AGBL1: variants seen among roughly 807,000 people sequenced by gnomAD.
The protein encoded by AGBL1 is cytosolic carboxypeptidase 4.
A neutral mutation model predicts 118.9 loss-of-function variants in AGBL1; 130 were observed. The observed-to-expected ratio is 1.09, with a 90% CI of 0.95 to 1.26. The LOEUF is 1.26. AGBL1 is among the 50% of genes most tolerant of loss of function. The probability of loss-of-function intolerance (pLI) is 0.00; values close to 1 mark genes in which losing one functional copy is unlikely to be tolerated. For missense variants in AGBL1, 1,584 were observed against 1,298.1 expected (o/e 1.22, Z -3.38); for synonymous variants, 555 against 478.9 (o/e 1.16, Z -2.08).
At chr15:86,899,686 A>T (rs2080184401) in intron 22 of AGBL1, among the ~76,000 whole-genome samples, 2 of 152,140 alleles carry the variant, frequency 1.3e-5, no homozygotes, top group South Asian at 4.1e-4. Context: ...CATCTGAATT[A>T]GTTGTGCATA....
intron 22 of AGBL1, among the ~76,000 whole-genome samples, chr15:86,835,570 G>C (rs1365600209): frequency 6.6e-6 from 1 of 152,000 alleles, no homozygotes; most frequent in Non-Finnish European, 1.5e-5. Context: ...TGGTAAGCAG[G>C]TTCAAAAAAA....
At chr15:86,816,095 G>C (rs986264333) in intron 22 of AGBL1, among the ~76,000 whole-genome samples, 1 of 152,184 alleles carries the variant, frequency 6.6e-6, no homozygotes, top group Non-Finnish European at 1.5e-5. Context: ...AGACGTGTCA[G>C]TTAAAACCGT....
intron 22 of AGBL1, among the ~76,000 whole-genome samples, chr15:86,723,660 A>G (rs2086771339): frequency 6.7e-6 from 1 of 148,808 alleles, no homozygotes; most frequent in Non-Finnish European, 1.5e-5. Context: ...TATAATAATA[A>G]AAAAAAGAAA....
At chr15:86,901,390 G>C (rs1255551179) in intron 22 of AGBL1, among the ~76,000 whole-genome samples, 1 of 151,808 alleles carries the variant, frequency 6.6e-6, no homozygotes, top group Non-Finnish European at 1.5e-5. Flanking sequence ...GTGAGATAGG[G>C]TTATAACTTG....
intron 22 of AGBL1, among the ~76,000 whole-genome samples, chr15:86,901,301 A>T (rs1396580227): frequency 6.6e-6 from 1 of 151,996 alleles, no homozygotes; most frequent in Non-Finnish European, 1.5e-5. Context: ...GAAAACATTA[A>T]TTGTGTTTTC....
At chr15:86,894,878 A>G (rs190031159) in intron 22 of AGBL1, among the ~76,000 whole-genome samples, 4 of 152,308 alleles carry the variant, frequency 2.6e-5, no homozygotes, top group East Asian at 1.9e-4. Flanking sequence ...CAAGATAGAA[A>G]GGTTGGCAGG....
At chr15:86,453,495 C>T (rs1371492266) in intron 18 of AGBL1, among the ~76,000 whole-genome samples, 1 of 152,126 alleles carries the variant, frequency 6.6e-6, no homozygotes, top group Non-Finnish European at 1.5e-5. Flanking sequence ...AATTCCGTAC[C>T]CCTTTTCATA....
At chr15:86,230,625 G>C (rs998423079) in intron 6 of AGBL1, among the ~76,000 whole-genome samples, 6 of 152,196 alleles carry the variant, frequency 3.9e-5, no homozygotes, top group African/African-American at 1.4e-4. Context: ...TTCCAGATGA[G>C]GGCCATGGAG....
At chr15:86,538,183 A>T (rs185859299) in intron 19 of AGBL1, among the ~76,000 whole-genome samples, 20 of 152,292 alleles carry the variant, frequency 1.3e-4, no homozygotes, top group Non-Finnish European at 2.5e-4. Context: ...TCCAAGACTG[A>T]TCTGTAAGTA....
intron 22 of AGBL1, among the ~76,000 whole-genome samples, chr15:86,865,875 C>G (rs1463480900): frequency 6.6e-6 from 1 of 152,190 alleles, no homozygotes; most frequent in East Asian, 1.9e-4. Flanking sequence ...GTGCTTCAAT[C>G]CTTCACAGGT....
chr15:86,666,425 T>G (rs2142529590), intron 21 of AGBL1, among the ~76,000 whole-genome samples: 2 of 152,318 alleles, frequency 1.3e-5, no homozygotes, highest in Middle Eastern at 6.8e-3. Context: ...AAATTTTGTC[T>G]TTCAGTTGAT....
chr15:86,786,084 T>G (rs2078408175), intron 22 of AGBL1, among the ~76,000 whole-genome samples: 1 of 152,208 alleles, frequency 6.6e-6, no homozygotes, highest in Admixed American at 6.5e-5. Flanking sequence ...TGGATTTTTT[T>G]TGAAAGTTTT....
Position 86,262,782 on chromosome 15 carries a change from A to G in AGBL1, c.974A>G (p.Asp325Gly). 1.3e-6 allele frequency: 2 copies of G among 1,598,928 alleles called. No individual in the cohort carries two copies. Among genetic ancestry groups the G allele is most frequent in the Non-Finnish European group, 1.7e-6 (2 of 1,169,690 alleles). ...TCTATGACTATTCCATTTTAGGATGATGACTTGGAAACAGACGTGAACAAG... is the reference window on the plus strand; with the variant it reads ...TCTATGACTATTCCATTTTAGGATGGTGACTTGGAAACAGACGTGAACAAG... ...SDTEDGKVED[D>G]DLETDVNKLS... Residue 325 changes from aspartate (D) to glycine (G), a missense_variant, in exon 10 of 23, where the codon GAT (aspartate) becomes GGT (glycine). Physicochemically the swap from Asp to Gly is moderately conservative, Grantham distance 94. Transcript: ENST00000614907.
chr15:86,362,861 G>C (rs2080827106), intron 17 of AGBL1, among the ~76,000 whole-genome samples: 2 of 152,234 alleles, frequency 1.3e-5, no homozygotes, highest in South Asian at 2.1e-4. Context: ...CCCTGGGTGG[G>C]CAGGACTGCT....
intron 22 of AGBL1, among the ~76,000 whole-genome samples, chr15:86,903,072 T>G (rs548639243): frequency 1.3e-5 from 2 of 152,240 alleles, no homozygotes; most frequent in African/African-American, 4.8e-5. Flanking sequence ...ATCTTAATGT[T>G]CTCTTTATTT....
At chr15:87,018,713 ACAAGTCTG>A (rs1322442521) in intron 24 of AGBL1, among the ~76,000 whole-genome samples, 2 of 152,166 alleles carry the variant, frequency 1.3e-5, no homozygotes, top group Admixed American at 6.5e-5. Context: ...AACCACATAA[ACAAGTCTG>A]CAAAATAACT....
chr15:86,922,631 A>T (rs976312334), intron 23 of AGBL1, among the ~76,000 whole-genome samples: 1 of 152,248 alleles, frequency 6.6e-6, no homozygotes, highest in African/African-American at 2.4e-5. Context: ...TAGAAAACTG[A>T]CATTTCATAA....
chr15:87,019,139 C>T lies in AGBL1; in HGVS notation c.3324-9686C>T, dbSNP rs1324742877. Reference sequence around the variant, plus strand: ...CATAAAGCAAGTTTTTAGAGACCTACAAAAAGACTTAGACTAACACACAAA... The same window carrying T: ...CATAAAGCAAGTTTTTAGAGACCTATAAAAAGACTTAGACTAACACACAAA... On this transcript the variant is annotated intron_variant, in intron 24 of 24. Coordinates refer to the AGBL1 transcript ENST00000441037. Among the ~76,000 whole-genome samples the T allele has an allele frequency of 3.3e-5, 5 of 152,046 alleles. No individual in the cohort carries two copies. In the East Asian group the frequency reaches 9.6e-4, roughly 29 times the overall value.
chr15:86,251,302 C>T (rs986913522), intron 7 of AGBL1, among the ~76,000 whole-genome samples: 43 of 152,168 alleles, frequency 2.8e-4, no homozygotes, highest in Non-Finnish European at 4.1e-4. Flanking sequence ...GCAGCTCCCC[C>T]AGTTGAGCAT....
Sources: gnomAD v4.1 joint callset for allele counts (sites outside exome capture counted in the v4.1 genomes callset) on GRCh38, gnomAD v4.1.1 for gene constraint, MANE v1.5 for transcripts, NCBI Gene and HGNC (gene_info 2026-07-23, HGNC 2026-07-21) for gene names.